The following MYO18B variants were observed in gnomAD, a reference collection of about 807,000 sequenced individuals.
MYO18B encodes myosin XVIIIB.
Under a neutral mutation model 273.0 loss-of-function variants are expected in MYO18B, and 204 were observed. The ratio of observed to expected loss-of-function variants is 0.75; its 90% CI spans 0.67 to 0.84. The LOEUF (loss-of-function observed/expected upper bound fraction) is 0.84. Ranked by LOEUF, MYO18B falls within the 40% of genes least tolerant of loss-of-function variation. MYO18B has a pLI of 0.00. For synonymous variants in MYO18B, 1,330 were observed against 1,305.7 expected (o/e 1.02, Z -0.40); for missense variants, 3,212 against 3,287.6 (o/e 0.98, Z 0.56).
intron 3 of MYO18B, among the ~76,000 whole-genome samples, chr22:25,765,199 G>T (rs997736325): frequency 2.6e-5 from 4 of 152,222 alleles, no homozygotes; most frequent in Non-Finnish European, 2.9e-5. Flanking sequence ...CACAGCAGGT[G>T]GCTGGACCAT....
intron 39 of MYO18B, among the ~76,000 whole-genome samples, chr22:25,958,466 A>G (rs577518505): frequency 1.3e-5 from 2 of 152,244 alleles, no homozygotes; most frequent in South Asian, 4.1e-4. Context: ...TTTGCTCTCA[A>G]ATATTTCCTT....
intron 22 of MYO18B, among the ~76,000 whole-genome samples, chr22:25,869,989 C>G (rs556688267): frequency 6.6e-6 from 1 of 152,186 alleles, no homozygotes; most frequent in Non-Finnish European, 1.5e-5. Context: ...GGCAACTTCA[C>G]GTTTTGTTCT....
intron 8 of MYO18B, 22 bp downstream of exon 8, chr22:25,777,803 A>T (rs369465673): frequency 1.3e-6 from 2 of 1,565,124 alleles, no homozygotes; most frequent in South Asian, 2.4e-5. Context: ...TCTAGGTGAC[A>T]TGGAGAGTTG....
At chr22:25,873,544 G>A (rs930511054) in intron 22 of MYO18B, among the ~76,000 whole-genome samples, 1 of 152,144 alleles carries the variant, frequency 6.6e-6, no homozygotes, top group Admixed American at 6.5e-5. Context: ...GGGTTCAAGC[G>A]ATTCTCCTGC....
chr22:26,023,356 C>T (rs574959027), intron 42 of MYO18B, among the ~76,000 whole-genome samples: 9 of 152,318 alleles, frequency 5.9e-5, no homozygotes, highest in South Asian at 2.1e-4. Context: ...GTGCCAGTTC[C>T]GGAGGTGCAG....
At chr22:25,973,991 C>T (rs935224471) in intron 39 of MYO18B, among the ~76,000 whole-genome samples, 1 of 152,208 alleles carries the variant, frequency 6.6e-6, no homozygotes, top group Non-Finnish European at 1.5e-5. Flanking sequence ...CTTAGGTCAT[C>T]CTAGTCTTAG....
At chr22:25,970,511 G>T (rs1466269513) in intron 39 of MYO18B, among the ~76,000 whole-genome samples, 2 of 152,076 alleles carry the variant, frequency 1.3e-5, no homozygotes, top group Non-Finnish European at 2.9e-5. Flanking sequence ...CCAGGTAAAT[G>T]ACTCGGAGCC....
chr22:25,985,323 C>T (rs972327911), intron 39 of MYO18B, among the ~76,000 whole-genome samples: 4 of 151,812 alleles, frequency 2.6e-5, no homozygotes, highest in Admixed American at 6.6e-5. Context: ...ATCGTGCCAC[C>T]GCACTTCAGC....
chr22:25,921,431 T>C, intron 34 of MYO18B, 22 bp downstream of exon 34: 1 of 1,593,770 alleles, frequency 6.3e-7, no homozygotes, highest in Non-Finnish European at 8.5e-7. Flanking sequence ...GGGATCCCCT[T>C]GAGAATCAGG....
At chr22:26,016,669 T>G (rs1935355107) in intron 42 of MYO18B, among the ~76,000 whole-genome samples, 1 of 152,226 alleles carries the variant, frequency 6.6e-6, no homozygotes, top group Non-Finnish European at 1.5e-5. Context: ...CTTTCCATTC[T>G]ACAAGCTTTC....
In MYO18B at chr22:25,921,403, C is replaced by T. The variant is rs748724060; in HGVS notation, c.5511C>T (p.His1837=). The stretch of plus-strand genomic sequence containing the variant: ...GCAAGGAGGAGCTGGAGAAAGTGCA[C>T]AGCCAGGTGGGTGTCACGGGATCCC... ...SVSKEELEKV[H]SQLEQSEAKC... is the part of the protein sequence containing the mutation. The change falls in exon 34 of 44, where the codon CAC becomes CAT. Residue 1837 remains histidine, a synonymous_variant. Transcript: ENST00000335473. 16 of 1,601,330 alleles carry T rather than the reference C, an allele frequency of 1.0e-5. No individual in the cohort carries two copies. Among genetic ancestry groups the T allele is most frequent in the Non-Finnish European group, 1.3e-5 (15 of 1,174,036 alleles).
At chr22:26,005,943 G>A (rs1347295163) in intron 42 of MYO18B, among the ~76,000 whole-genome samples, 2 of 152,126 alleles carry the variant, frequency 1.3e-5, no homozygotes, top group East Asian at 3.8e-4. Context: ...TTGCTTCTGG[G>A]GAGCTAATTA....
chr22:25,747,882 T>C (rs2085828610), intron 1 of MYO18B, among the ~76,000 whole-genome samples: 1 of 152,146 alleles, frequency 6.6e-6, no homozygotes, highest in Non-Finnish European at 1.5e-5. Flanking sequence ...CATCCCCATT[T>C]GACAGACAGA....
At chr22:25,965,665 G>A (rs745529376) in intron 39 of MYO18B, among the ~76,000 whole-genome samples, 1 of 152,182 alleles carries the variant, frequency 6.6e-6, no homozygotes, top group African/African-American at 2.4e-5. Flanking sequence ...ACCTTCAAAA[G>A]CATAGTTAGA....
rs1020625226 is a variant in MYO18B, at chr22:26,027,678, G to A, written c.7704G>A (p.Ter2568=). Residue 2568 remains the stop codon, a stop_retained_variant, in exon 43 of 44, where the codon TAG becomes TAA. Transcript: ENST00000335473. This position sits in a 1 kb window ranked among gnomAD's most constrained non-coding sequence, Gnocchi z 4.1. The stretch of plus-strand genomic sequence containing the variant: ...TAATGAAGAAATACCTCCAGAAGTA[G>A]GAACCAGTTCAGGTAAAAGCAACAG... ...ASIMKKYLQK[*] is the part of the protein sequence containing the mutation. The A allele has an allele frequency of 1.9e-6, 3 of 1,607,516 alleles. No individual in the cohort carries two copies. In the African/African-American group the frequency reaches 4.0e-5, roughly 21 times the overall value.
Position 25,780,144 on chromosome 22 carries a change from G to A in MYO18B, c.2157G>A (p.Met719Ile). ...GCCGCAGTGCCACCCGGTTCTCCAT[G>A]GTGATGTCGCTGGACTTCAACGCTA... Reference protein sequence around the residue: ...AHSRSATRFSMVMSLDFNATG... With the variant: ...AHSRSATRFSIVMSLDFNATG... Residue 719 changes from methionine to isoleucine, a missense_variant, in exon 9 of 44, where the codon ATG becomes ATA. Physicochemically the swap from Met to Ile is conservative, Grantham distance 10. Transcript: ENST00000335473. 6.2e-7 allele frequency: 1 copy of A among 1,606,778 alleles called. No individual in the cohort carries two copies. Among genetic ancestry groups the A allele is most frequent in the East Asian group, 2.2e-5 (1 of 44,636 alleles).
At chr22:25,759,324 C>T (rs1429513001) in intron 1 of MYO18B, among the ~76,000 whole-genome samples, 1 of 150,702 alleles carries the variant, frequency 6.6e-6, no homozygotes, top group East Asian at 1.9e-4. Flanking sequence ...AAATGTGGCA[C>T]ATGTAATACT....
At chr22:25,910,460 G>T (rs948952539) in intron 32 of MYO18B, among the ~76,000 whole-genome samples, 2 of 152,108 alleles carry the variant, frequency 1.3e-5, no homozygotes, top group African/African-American at 4.8e-5. Flanking sequence ...TGCACTGAGG[G>T]TTAGGGTTTC....
intron 34 of MYO18B, among the ~76,000 whole-genome samples, chr22:25,940,625 T>C (rs76168677): frequency 9.0e-4 from 137 of 152,274 alleles, no homozygotes; most frequent in Admixed American, 2.7e-3. Flanking sequence ...CTGTGTGATG[T>C]TAAACATCCC....
Sources: gnomAD v4.1 joint callset for allele counts (sites outside exome capture counted in the v4.1 genomes callset) on GRCh38, gnomAD v4.1.1 for gene constraint, Gnocchi (gnomAD v3.1) non-coding constraint, MANE v1.5 for transcripts, NCBI Gene and HGNC (gene_info 2026-07-23, HGNC 2026-07-21) for gene names.